BMP2K: variants seen among roughly 807,000 people sequenced by gnomAD.
BMP2K encodes BMP-2-inducible protein kinase.
In BMP2K, 74 loss-of-function variants were observed where a neutral mutation model predicts 116.0. The ratio of observed to expected loss-of-function variants is 0.64; its 90% CI spans 0.53 to 0.77. The LOEUF (loss-of-function observed/expected upper bound fraction) is 0.77, where lower values mean the gene tolerates loss of function less well. Ranked by LOEUF, BMP2K falls within the 30% of genes least tolerant of loss-of-function variation. The pLI is 0.00. For synonymous variants in BMP2K, 486 were observed against 502.5 expected (o/e 0.97, Z 0.44); for missense variants, 1,365 against 1,403.6 (o/e 0.97, Z 0.44).
rs200974779 is a variant in BMP2K at position 78,792,663 on chromosome 4, A to ATT, written c.178+15953_178+15954dup. ...ACAGGTGATAATATGAACAAATGTG[A>ATT]TTTTTTTTTTTTAAATTCTGTAATG... On this transcript the variant is annotated intron_variant, in intron 1 of 15. Transcript: ENST00000502613. Among the ~76,000 whole-genome samples, 13 of 148,110 alleles carry ATT rather than the reference A, an allele frequency of 8.8e-5. No homozygotes were observed. In the East Asian group the frequency reaches 2.4e-3, roughly 27 times the overall value.
At chr4:78,850,813 G>A in intron 6 of BMP2K, 111 bp from the exon 7 acceptor site, 1 of 998,218 alleles carries the variant, frequency 1.0e-6, no homozygotes, top group Non-Finnish European at 1.4e-6. Context: ...TTTGTAAAAA[G>A]ATTGCTGCAG....
chr4:78,884,656 C>A (rs1403200555), intron 14 of BMP2K, among the ~76,000 whole-genome samples: 1 of 152,184 alleles, frequency 6.6e-6, no homozygotes, highest in Non-Finnish European at 1.5e-5. Flanking sequence ...GCTTTATACA[C>A]TGGAATTTGG....
chr4:78,898,303 G>C (rs1012124573), intron 15 of BMP2K, among the ~76,000 whole-genome samples: 2 of 152,030 alleles, frequency 1.3e-5, no homozygotes, highest in Admixed American at 6.6e-5. Context: ...GCAAATATTT[G>C]TTGGAACATA....
chr4:78,794,519 T>G (rs939210416), intron 1 of BMP2K, among the ~76,000 whole-genome samples: 2 of 152,200 alleles, frequency 1.3e-5, no homozygotes, highest in African/African-American at 4.8e-5. Context: ...TTTTTAAACT[T>G]GAGCATTAAT....
chr4:78,801,780 C>T (rs1728579113), intron 1 of BMP2K, among the ~76,000 whole-genome samples: 1 of 152,172 alleles, frequency 6.6e-6, no homozygotes, highest in African/African-American at 2.4e-5. Flanking sequence ...TGCTCTAACT[C>T]CTGTCACTGT....
chr4:78,900,524 G>A (rs1310415030), intron 15 of BMP2K, among the ~76,000 whole-genome samples: 1 of 152,178 alleles, frequency 6.6e-6, no homozygotes, highest in East Asian at 1.9e-4. Context: ...TTTTCTCCTT[G>A]AGACTGGGAA....
In BMP2K at chr4:78,876,951, T is replaced by G. The variant is rs540585395; in HGVS notation, c.1794-1783T>G. 4.8e-4 allele frequency among the ~76,000 whole-genome samples: 73 copies of G among 152,340 alleles called. 1 individual carries two copies. The highest frequency in any genetic ancestry group is 7.9e-4 in the Non-Finnish European group (54 of 68,018). On this transcript the variant is annotated intron_variant, in intron 13 of 15. Coordinates refer to ENST00000502613, the MANE Select transcript of BMP2K (RefSeq NM_198892.2). ...TTACGCTACAAACCTGTATAGCATG[T>G]TACTATATTTAGTACTATAGACAAT...
At chr4:78,827,212 C>CT (rs1348016217) in intron 2 of BMP2K, among the ~76,000 whole-genome samples, 1 of 152,142 alleles carries the variant, frequency 6.6e-6, no homozygotes, top group Non-Finnish European at 1.5e-5. Context: ...AGTTGGCCCT[C>CT]TAACTCCATA....
chr4:78,877,712 C>A (rs1166094564), intron 13 of BMP2K, among the ~76,000 whole-genome samples: 2 of 152,192 alleles, frequency 1.3e-5, no homozygotes, highest in Non-Finnish European at 2.9e-5. Context: ...GTAATACAGT[C>A]ATTATCAAAT....
At chr4:78,809,715 CTCTT>C (rs201837856) in intron 1 of BMP2K, among the ~76,000 whole-genome samples, 2,821 of 150,208 alleles carry the variant, frequency 0.019, 84 homozygotes, top group African/African-American at 0.062. Flanking sequence ...TAATTTCTGA[CTCTT>C]TATTAACATT....
At chr4:78,909,055 C>CTTTTTT (rs1053664659) in intron 15 of BMP2K, among the ~76,000 whole-genome samples, 150 of 94,388 alleles carry the variant, frequency 1.6e-3, no homozygotes, top group Non-Finnish European at 2.0e-3. Flanking sequence ...TTCCCTTAGT[C>CTTTTTT]TTTTTTTTTT....
intron 1 of BMP2K, among the ~76,000 whole-genome samples, chr4:78,822,388 A>T (rs865994035): frequency 1.3e-5 from 2 of 152,182 alleles, no homozygotes; most frequent in African/African-American, 4.8e-5. Context: ...TCTTTAAAGA[A>T]TATGCCTATG....
At chr4:78,844,186 CAACAGTTCCATA>C (rs1448519097) in intron 4 of BMP2K, among the ~76,000 whole-genome samples, 1 of 151,722 alleles carries the variant, frequency 6.6e-6, no homozygotes, top group Non-Finnish European at 1.5e-5. Context: ...TTAATGTTCA[CAACAGTTCCATA>C]TGGCAGATTC....
intron 3 of BMP2K, among the ~76,000 whole-genome samples, chr4:78,838,446 G>A (rs1212896651): frequency 6.6e-6 from 1 of 152,174 alleles, no homozygotes; most frequent in Non-Finnish European, 1.5e-5. Context: ...CTTTATAGAA[G>A]AAATCCAGAA....
intron 1 of BMP2K, among the ~76,000 whole-genome samples, chr4:78,777,185 T>A (rs1727291123): frequency 6.6e-6 from 1 of 152,154 alleles, no homozygotes; most frequent in Non-Finnish European, 1.5e-5. Flanking sequence ...TTGCTGCAGC[T>A]CAGTCATCTG....
intron 1 of BMP2K, among the ~76,000 whole-genome samples, chr4:78,807,447 C>T (rs574583227): frequency 5.3e-5 from 8 of 151,704 alleles, no homozygotes; most frequent in Non-Finnish European, 8.8e-5. Context: ...AGTGACAAAA[C>T]GTTTCCTTCT....
intron 1 of BMP2K, among the ~76,000 whole-genome samples, chr4:78,780,680 T>C (rs1449861826): frequency 6.6e-6 from 1 of 152,206 alleles, no homozygotes; most frequent in African/African-American, 2.4e-5. Context: ...ACTACACAAC[T>C]TCATTAAATG....
intron 15 of BMP2K, among the ~76,000 whole-genome samples, chr4:78,900,932 G>C (rs1733968099): frequency 6.6e-6 from 1 of 151,064 alleles, no homozygotes; most frequent in South Asian, 2.1e-4. Context: ...TTATAAAACT[G>C]ATGTTAGTAG....
At chr4:78,868,232 A>G (rs1732156192) in intron 10 of BMP2K, among the ~76,000 whole-genome samples, 2 of 152,072 alleles carry the variant, frequency 1.3e-5, no homozygotes, top group Admixed American at 1.3e-4. Flanking sequence ...GGGTGGTGAA[A>G]GGCACTTCTT....
Sources: gnomAD v4.1 joint callset for allele counts (sites outside exome capture counted in the v4.1 genomes callset) on GRCh38, gnomAD v4.1.1 for gene constraint, MANE v1.5 for transcripts, NCBI Gene and HGNC (gene_info 2026-07-23, HGNC 2026-07-21) for gene names.